The following BORCS5 variants were observed in gnomAD, a reference collection of about 807,000 sequenced individuals.
The protein encoded by BORCS5 is BLOC-1 related complex subunit 5.
A neutral mutation model predicts 22.1 loss-of-function variants in BORCS5; 17 were observed. That is an observed-to-expected ratio of 0.77 (90% CI 0.53 to 1.15). BORCS5 has a LOEUF of 1.15. Among genes scored for constraint, BORCS5 ranks in the 50% most tolerant of loss-of-function variants. The pLI is 0.00. For synonymous variants in BORCS5, 117 were observed against 99.8 expected, an observed-to-expected ratio of 1.17 and a Z score of -1.03; for missense variants, 247 against 253.2, an observed-to-expected ratio of 0.98 and a Z score of 0.17.
At chr12:12,437,419 T>A (rs1942577952) in intron 3 of BORCS5, among the ~76,000 whole-genome samples, 1 of 152,226 alleles carries the variant, frequency 6.6e-6, no homozygotes, top group African/African-American at 2.4e-5. Flanking sequence ...ATTAGCAATG[T>A]GAGAACAGAC....
intron 2 of BORCS5, among the ~76,000 whole-genome samples, chr12:12,385,095 A>C (rs1422220220): frequency 6.6e-6 from 1 of 151,298 alleles, no homozygotes. Context: ...GCCATTTTCA[A>C]ATCTTATCTT....
intron 2 of BORCS5, among the ~76,000 whole-genome samples, chr12:12,403,555 T>C (rs1427965154): frequency 2.0e-5 from 3 of 152,176 alleles, no homozygotes; most frequent in Admixed American, 1.3e-4. Flanking sequence ...TACTTTTTTT[T>C]CCCGAGTATT....
At chr12:12,387,266 C>T (rs913267022) in intron 2 of BORCS5, among the ~76,000 whole-genome samples, 12 of 151,236 alleles carry the variant, frequency 7.9e-5, no homozygotes, top group East Asian at 3.9e-4. Flanking sequence ...CTGAAGGAAT[C>T]GGGGTTGTTT....
rs541344863 is a variant in BORCS5 at position 12,444,754 on chromosome 12, A to G, written c.360+8969A>G. 2.6e-5 allele frequency among the ~76,000 whole-genome samples: 4 copies of G among 152,286 alleles called. No individual in the cohort carries two copies. In the South Asian group the frequency reaches 8.3e-4, roughly 32 times the overall value. ...AGTGACATTAGGAACAGATCTAACA[A>G]TAAGTTAAAAAAAAATCAAGCTATA... On this transcript the variant is annotated intron_variant, in intron 3 of 3. Coordinates refer to ENST00000314565, the MANE Select transcript of BORCS5 (RefSeq NM_058169.6).
At chr12:12,392,557 C>T (rs967226557) in intron 2 of BORCS5, among the ~76,000 whole-genome samples, 2 of 152,070 alleles carry the variant, frequency 1.3e-5, no homozygotes, top group African/African-American at 4.8e-5. Flanking sequence ...TTCTTAGCTG[C>T]ACAACACTGG....
intron 2 of BORCS5, among the ~76,000 whole-genome samples, chr12:12,414,714 G>C (rs1435369324): frequency 7.5e-6 from 1 of 133,804 alleles, no homozygotes; most frequent in African/African-American, 2.9e-5. Flanking sequence ...CCTCCCGGAT[G>C]GGGTGGCTGC....
intron 3 of BORCS5, among the ~76,000 whole-genome samples, chr12:12,456,466 G>T (rs758993256): frequency 6.6e-6 from 1 of 152,142 alleles, no homozygotes; most frequent in Non-Finnish European, 1.5e-5. Flanking sequence ...TTCATAGGAT[G>T]ACCCATCTGC....
chr12:12,382,478 A>T (rs1199170112), intron 2 of BORCS5, among the ~76,000 whole-genome samples: 1 of 151,010 alleles, frequency 6.6e-6, no homozygotes, highest in African/African-American at 2.4e-5. Flanking sequence ...GGAGGGGACA[A>T]GTATCCAAAT....
chr12:12,465,415 G>T, intron 3 of BORCS5, 131 bp from the exon 4 acceptor site: 1 of 749,018 alleles, frequency 1.3e-6, no homozygotes. Flanking sequence ...TTTTAGCCCT[G>T]GGTGCTTCCT....
intron 2 of BORCS5, among the ~76,000 whole-genome samples, chr12:12,386,690 G>A (rs1440342539): frequency 2.7e-5 from 4 of 149,424 alleles, no homozygotes; most frequent in Admixed American, 1.3e-4. Flanking sequence ...GGCTGGTCTC[G>A]AACTCCTGAC....
intron 2 of BORCS5, among the ~76,000 whole-genome samples, chr12:12,379,189 T>C (rs1370540106): frequency 6.6e-6 from 1 of 150,662 alleles, no homozygotes; most frequent in African/African-American, 2.4e-5. Flanking sequence ...GGAGCGATCT[T>C]GACTCACTGC....
intron 2 of BORCS5, among the ~76,000 whole-genome samples, chr12:12,382,594 G>A (rs1028253235): frequency 1.1e-4 from 17 of 148,254 alleles, no homozygotes; most frequent in East Asian, 3.9e-4. Flanking sequence ...GTGCAGTGGC[G>A]CGATCTCAGT....
At chr12:12,368,297 T>G (rs1209191981) in intron 2 of BORCS5, among the ~76,000 whole-genome samples, 1 of 151,676 alleles carries the variant, frequency 6.6e-6, no homozygotes, top group East Asian at 1.9e-4. Context: ...TTTTTTTTAA[T>G]CTACTGGTTA....
At chr12:12,454,590 T>C (rs991619779) in intron 3 of BORCS5, among the ~76,000 whole-genome samples, 1 of 152,244 alleles carries the variant, frequency 6.6e-6, no homozygotes, top group African/African-American at 2.4e-5. Context: ...TAGTTCTGAA[T>C]TTCAGAAACA....
intron 2 of BORCS5, among the ~76,000 whole-genome samples, chr12:12,434,281 CAAAAAAA>C (rs139357200): frequency 1.3e-5 from 1 of 76,588 alleles, no homozygotes; most frequent in Admixed American, 1.6e-4. Flanking sequence ...GACTCTGTCT[CAAAAAAA>C]AAAAAAAAAA....
At chr12:12,408,839 T>C (rs961544569) in intron 2 of BORCS5, among the ~76,000 whole-genome samples, 1 of 152,212 alleles carries the variant, frequency 6.6e-6, no homozygotes, top group African/African-American at 2.4e-5. Context: ...CATTCTTCTA[T>C]TGATGGAAAT....
At chr12:12,394,234 G>A (rs1169241154) in intron 2 of BORCS5, among the ~76,000 whole-genome samples, 1 of 151,930 alleles carries the variant, frequency 6.6e-6, no homozygotes, top group Non-Finnish European at 1.5e-5. Context: ...GCTGAGGCAG[G>A]AGAATCACTT....
intron 3 of BORCS5, among the ~76,000 whole-genome samples, chr12:12,451,081 G>C (rs749968636): frequency 1.2e-4 from 18 of 152,056 alleles, no homozygotes; most frequent in Admixed American, 2.6e-4. Flanking sequence ...AGAGTGTGTG[G>C]AGTGAGATTT....
intron 2 of BORCS5, among the ~76,000 whole-genome samples, chr12:12,417,011 G>A (rs970556290): frequency 6.6e-6 from 1 of 151,100 alleles, no homozygotes; most frequent in African/African-American, 2.4e-5. Context: ...GGCTGGTCTT[G>A]AACACTTGAC....
Sources: allele counts gnomAD v4.1 joint callset (sites outside exome capture counted in the v4.1 genomes callset), GRCh38; gene constraint gnomAD v4.1.1; transcripts MANE v1.5; gene names NCBI Gene and HGNC (gene_info 2026-07-23, HGNC 2026-07-21).